Variants in SLC45A4 observed in about 807,000 individuals in gnomAD.
SLC45A4 encodes the protein polyamine-transporter SLC45A4.
SLC45A4 carries 32 observed loss-of-function variants against 63.7 expected under a neutral mutation model. The ratio of observed to expected loss-of-function variants is 0.50; its 90% CI spans 0.38 to 0.67. The LOEUF (loss-of-function observed/expected upper bound fraction) is 0.67. SLC45A4 is among the 30% of genes least tolerant of loss of function. The probability of loss-of-function intolerance (pLI) is 0.00; values close to 1 mark genes in which losing one functional copy is unlikely to be tolerated. For missense variants in SLC45A4, 1,027 were observed against 1,157.7 expected (o/e 0.89, Z 1.64); for synonymous variants, 535 against 510.0 (o/e 1.05, Z -0.66).
intron 2 of SLC45A4, among the ~76,000 whole-genome samples, chr8:141,235,134 T>C (rs1170257260): frequency 6.6e-6 from 1 of 152,146 alleles, no homozygotes; most frequent in Non-Finnish European, 1.5e-5. Context: ...TGTTAAGGCT[T>C]GTCCAAGGTT....
intron 5 of SLC45A4, 125 bp downstream of exon 5, chr8:141,217,886 G>T (rs1826264342): frequency 8.3e-7 from 1 of 1,202,472 alleles, no homozygotes; most frequent in African/African-American, 1.5e-5. Context: ...TGCACGGGAG[G>T]CACTGTGTGG....
intron 1 of SLC45A4, among the ~76,000 whole-genome samples, chr8:141,288,734 C>A (rs1211357539): frequency 2.0e-5 from 3 of 152,238 alleles, no homozygotes; most frequent in East Asian, 3.8e-4. Context: ...CTGGATGGAA[C>A]CTATGCTCTT....
intron 8 of SLC45A4, chr8:141,211,911 G>A (rs1050995385): frequency 2.1e-5 from 26 of 1,244,720 alleles, no homozygotes; most frequent in Non-Finnish European, 2.3e-5. Flanking sequence ...CAGAATAAAA[G>A]AGCTGAAATT....
chr8:141,209,798 G>A lies in SLC45A4; in HGVS notation c.*1774C>T, dbSNP rs924011648. ...CCTTACTTCAGATTAGTCGAGGCTG[G>A]GATCTCAAGGGTTAACACACTATTC... On this transcript the variant is annotated 3_prime_UTR_variant, in exon 9 of 9. Transcript: ENST00000517878. 6.6e-6 allele frequency: 1 copy of A among 152,216 alleles called. No homozygotes were observed. Among genetic ancestry groups the A allele is most frequent in the African/African-American group, 2.4e-5 (1 of 41,452 alleles). 9.4% of individuals were successfully genotyped at this position (152,216 alleles called of 1,614,324 possible). A position where few individuals can be genotyped will look rare whatever the true frequency, so the allele number is the denominator to read the frequency against.
At position 141,278,853 on chromosome 8, in the gene SLC45A4, C is replaced by T. The variant is rs1307513032; in HGVS notation, c.-400-24224G>A. Reference sequence around the variant, plus strand: ...GGCATCCTTTGCCCCGGGCTCTGTCCCTACTGCCCCCAGGCACATTTCACT... The same window carrying T: ...GGCATCCTTTGCCCCGGGCTCTGTCTCTACTGCCCCCAGGCACATTTCACT... On this transcript the variant is annotated intron_variant, in intron 1 of 8. Coordinates refer to ENST00000517878, the MANE Select transcript of SLC45A4 (RefSeq NM_001286646.2). The surrounding 1 kb of genome is among the most constrained non-coding windows in gnomAD (Gnocchi z 4.1). 3.9e-5 allele frequency among the ~76,000 whole-genome samples: 6 copies of T among 152,202 alleles called. No homozygotes were observed. Among genetic ancestry groups the T allele is most frequent in the Non-Finnish European group, 8.8e-5 (6 of 68,030 alleles).
At chr8:141,275,056 A>G (rs1363461772) in intron 1 of SLC45A4, among the ~76,000 whole-genome samples, 1 of 152,210 alleles carries the variant, frequency 6.6e-6, no homozygotes, top group East Asian at 1.9e-4. Context: ...CGCCGGCAGG[A>G]GCCAGCTCTG....
chr8:141,214,925 G>A (rs1456222781), intron 7 of SLC45A4, among the ~76,000 whole-genome samples: 8 of 152,224 alleles, frequency 5.3e-5, no homozygotes, highest in African/African-American at 4.8e-5. Flanking sequence ...CAAGGAGACT[G>A]TCAGCCAACA....
intron 2 of SLC45A4, 104 bp from the exon 3 acceptor site, chr8:141,221,869 G>A (rs558986351): frequency 9.3e-6 from 11 of 1,184,026 alleles, no homozygotes; most frequent in African/African-American, 3.1e-5. Context: ...GTACACGCAC[G>A]CATGCGCACA....
intron 2 of SLC45A4, among the ~76,000 whole-genome samples, chr8:141,249,991 G>A (rs1476781726): frequency 6.6e-6 from 1 of 152,178 alleles, no homozygotes; most frequent in Non-Finnish European, 1.5e-5. Flanking sequence ...GTAATGCTCA[G>A]GGTCAATAAA....
Position 141,211,562 on chromosome 8 carries a change from C to G in SLC45A4, c.*10G>C. 1 of 1,613,286 alleles carries G rather than the reference C, an allele frequency of 6.2e-7. No homozygotes were observed. The highest frequency in any genetic ancestry group is 1.1e-5 in the South Asian group (1 of 91,046). On this transcript the variant is annotated 3_prime_UTR_variant, in exon 9 of 9. Coordinates refer to ENST00000517878, the MANE Select transcript of SLC45A4 (RefSeq NM_001286646.2). ...CCAACTCGCTGAGGAAAAGAAGATACGTCATTCTTCTAAGAGAACCACATT... is the reference window on the plus strand; with the variant it reads ...CCAACTCGCTGAGGAAAAGAAGATAGGTCATTCTTCTAAGAGAACCACATT...
rs1357942104 is a variant in SLC45A4, at chr8:141,215,260, A to G, written c.1941+499T>C. ...CAATTTCAACGATGAGCAAGAGTGTAAGGTATCTCGATGACTTTTTTCATA... is the reference window on the plus strand; with the variant it reads ...CAATTTCAACGATGAGCAAGAGTGTGAGGTATCTCGATGACTTTTTTCATA... On this transcript the variant is annotated intron_variant, in intron 7 of 8. Transcript: ENST00000517878. The surrounding 1 kb of genome is among the most constrained non-coding windows in gnomAD (Gnocchi z 4.3). Among the ~76,000 whole-genome samples, 1 of 152,246 alleles carries G rather than the reference A, an allele frequency of 6.6e-6. No homozygotes were observed. The highest frequency in any genetic ancestry group is 1.5e-5 in the Non-Finnish European group (1 of 68,040).
chr8:141,232,313 CA>C (rs1310178370), intron 2 of SLC45A4, among the ~76,000 whole-genome samples: 1 of 152,252 alleles, frequency 6.6e-6, no homozygotes, highest in Non-Finnish European at 1.5e-5. Context: ...GACAAGATGA[CA>C]GCAAATGTCC....
In SLC45A4 at chr8:141,219,805, T is replaced by G. The variant is rs61995884; in HGVS notation, c.455A>C (p.Asn152Thr). Residue 152 changes from asparagine to threonine, a missense_variant, in exon 4 of 9, where the codon AAC becomes ACC. Physicochemically the swap from Asn to Thr is moderately conservative, Grantham distance 65. Transcript: ENST00000517878. ...AIGLALGDVP[N>T]RQPIGIVLTV... The stretch of plus-strand genomic sequence containing the variant: ...GAGCACGATGCCAATGGGCTGCCGG[T>G]TGGGGACATCGCCGAGGGCCAGACC... 3.0e-5 allele frequency: 48 copies of G among 1,590,152 alleles called. No homozygotes were observed. The highest frequency in any genetic ancestry group is 3.9e-5 in the Non-Finnish European group (46 of 1,169,360).
chr8:141,267,349 G>A (rs562848441), intron 1 of SLC45A4, among the ~76,000 whole-genome samples: 8 of 152,362 alleles, frequency 5.3e-5, no homozygotes, highest in East Asian at 1.9e-4. Flanking sequence ...GAGTGGAGAC[G>A]CTGAGGGATG....
chr8:141,266,173 C>T (rs73366437), intron 1 of SLC45A4, among the ~76,000 whole-genome samples: 5,863 of 152,256 alleles, frequency 0.039, 377 homozygotes, highest in African/African-American at 0.13. Context: ...AGCGGTCTAG[C>T]GAGTCCGGAC....
intron 2 of SLC45A4, among the ~76,000 whole-genome samples, chr8:141,233,845 A>G (rs1827490322): frequency 6.6e-6 from 1 of 152,156 alleles, no homozygotes; most frequent in Non-Finnish European, 1.5e-5. Flanking sequence ...GGCCTTGGCT[A>G]GGCAGGTCCA....
chr8:141,273,788 G>A (rs542302742), intron 1 of SLC45A4, among the ~76,000 whole-genome samples: 3 of 152,254 alleles, frequency 2.0e-5, no homozygotes, highest in South Asian at 2.1e-4. Context: ...GTCGTGCTAC[G>A]AAAGTGAAAA....
chr8:141,213,835 A>G (rs1228380018), intron 7 of SLC45A4, among the ~76,000 whole-genome samples: 1 of 152,276 alleles, frequency 6.6e-6, no homozygotes, highest in Non-Finnish European at 1.5e-5. Context: ...ACATTAGATC[A>G]TAAGAGAACA....
At chr8:141,219,158 G>A in intron 4 of SLC45A4, 129 bp from the exon 5 acceptor site, 1 of 1,070,438 alleles carries the variant, frequency 9.3e-7, no homozygotes, top group South Asian at 1.6e-5. Context: ...GGCTGGAGAA[G>A]GAGAAAGCAG....
Sources: allele counts gnomAD v4.1 joint callset (sites outside exome capture counted in the v4.1 genomes callset), GRCh38; gene constraint gnomAD v4.1.1; non-coding constraint Gnocchi (gnomAD v3.1); transcripts MANE v1.5; gene names NCBI Gene and HGNC (gene_info 2026-07-23, HGNC 2026-07-21).